Variants in PPP1R13B observed in about 807,000 individuals in gnomAD.
PPP1R13B encodes the protein apoptosis-stimulating of p53 protein 1.
Under a neutral mutation model 119.8 loss-of-function variants are expected in PPP1R13B, and 44 were observed. The ratio of observed to expected loss-of-function variants is 0.37; its 90% CI spans 0.29 to 0.47. The LOEUF is 0.47. Ranked by LOEUF, PPP1R13B falls within the 20% of genes least tolerant of loss-of-function variation. The probability of loss-of-function intolerance (pLI) is 0.99; values close to 1 mark genes in which losing one functional copy is unlikely to be tolerated. For missense variants in PPP1R13B, 1,227 were observed against 1,413.5 expected (o/e 0.87, Z 2.12); for synonymous variants, 542 against 561.5 (o/e 0.97, Z 0.49).
intron 1 of PPP1R13B, among the ~76,000 whole-genome samples, chr14:103,798,809 C>T (rs1427810578): frequency 6.6e-6 from 1 of 151,472 alleles, no homozygotes; most frequent in Admixed American, 6.6e-5. Context: ...CTCCAGAGAT[C>T]CTCCCAAGTA....
intron 7 of PPP1R13B, among the ~76,000 whole-genome samples, chr14:103,752,534 CT>C (rs35277937): frequency 1.2e-3 from 155 of 126,264 alleles, no homozygotes; most frequent in African/African-American, 2.1e-3. Flanking sequence ...GAATTAGATC[CT>C]TTTTTTTTTT....
chr14:103,775,295 G>A lies in PPP1R13B; in HGVS notation c.354+3450C>T, dbSNP rs933038200. On this transcript the variant is annotated intron_variant, in intron 4 of 16. Coordinates refer to ENST00000202556, the MANE Select transcript of PPP1R13B (RefSeq NM_015316.3). ...TTATTATTATTTTTTTTTTTTTGGAGACAGAGTCTCGCTCTGTCACCCAGG... is the reference window on the plus strand; with the variant it reads ...TTATTATTATTTTTTTTTTTTTGGAAACAGAGTCTCGCTCTGTCACCCAGG... Among the ~76,000 whole-genome samples, 11 of 146,198 alleles carry A rather than the reference G, an allele frequency of 7.5e-5. No individual in the cohort carries two copies. In the East Asian group the frequency reaches 2.0e-3, roughly 26 times the overall value.
At chr14:103,784,443 T>G (rs2085403219) in intron 3 of PPP1R13B, among the ~76,000 whole-genome samples, 1 of 150,922 alleles carries the variant, frequency 6.6e-6, no homozygotes. Flanking sequence ...ATTAGCCAGG[T>G]GTGGTGGTGC....
chr14:103,741,893 T>C lies in PPP1R13B; in HGVS notation c.1719A>G (p.Thr573=). 5.6e-6 allele frequency: 9 copies of C among 1,614,226 alleles called. No homozygotes were observed. Among genetic ancestry groups the C allele is most frequent in the South Asian group, 1.1e-5 (1 of 91,090 alleles). ...RPQSPRKGPQ[T]VNSSSIYSMY... is the part of the protein sequence containing the mutation. ...TGGAGTATATGGAACTTGAATTCAC[T>C]GTCTGGGGTCCTTTCCTGGGAGACT... The change falls in exon 11 of 17, where the codon ACA becomes ACG. Residue 573 remains threonine (T), a synonymous_variant. Transcript: ENST00000202556.
intron 1 of PPP1R13B, among the ~76,000 whole-genome samples, chr14:103,823,120 T>A (rs1035301135): frequency 7.2e-5 from 11 of 151,878 alleles, no homozygotes; most frequent in African/African-American, 2.7e-4. Flanking sequence ...AGGCAGATCA[T>A]GAGGTCAGGA....
chr14:103,818,543 A>T, intron 1 of PPP1R13B: 1 of 966,338 alleles, frequency 1.0e-6, no homozygotes, highest in Non-Finnish European at 1.2e-6. Context: ...ATCATACACC[A>T]GTTGATTTCG....
chr14:103,847,726 G>A (rs1199813602), upstream of PPP1R13B: 3 of 729,432 alleles, frequency 4.1e-6, no homozygotes, highest in Non-Finnish European at 1.7e-6. Context: ...CGCTACCCTC[G>A]CTCTCAGCGG....
intron 1 of PPP1R13B, among the ~76,000 whole-genome samples, chr14:103,808,278 T>G (rs1185395739): frequency 6.6e-6 from 1 of 151,446 alleles, no homozygotes; most frequent in Non-Finnish European, 1.5e-5. Flanking sequence ...TCAGGAGCCT[T>G]GAACATAACT....
intron 8 of PPP1R13B, 22 bp from the exon 9 acceptor site, chr14:103,746,575 G>C (rs552427472): frequency 1.3e-6 from 2 of 1,547,408 alleles, no homozygotes; most frequent in Admixed American, 1.8e-5. Flanking sequence ...GAAGAAATGA[G>C]AGTCAAGATT....
intron 1 of PPP1R13B, among the ~76,000 whole-genome samples, chr14:103,817,642 A>G (rs987545372): frequency 6.6e-6 from 1 of 152,156 alleles, no homozygotes; most frequent in Non-Finnish European, 1.5e-5. Flanking sequence ...ACACAACATT[A>G]AAGGACTTTT....
intron 1 of PPP1R13B, among the ~76,000 whole-genome samples, chr14:103,806,535 G>C (rs2086022435): frequency 6.6e-6 from 1 of 152,144 alleles, no homozygotes; most frequent in South Asian, 2.1e-4. Flanking sequence ...TAGCTTTCCA[G>C]CAGGCCACGC....
intron 4 of PPP1R13B, 63 bp from the exon 5 acceptor site, chr14:103,757,814 C>A: frequency 7.3e-7 from 1 of 1,372,082 alleles, no homozygotes; most frequent in South Asian, 1.2e-5. Context: ...TCTCTAGTGT[C>A]AAAACTCACA....
Position 103,757,658 on chromosome 14 carries a change from C to T in PPP1R13B, c.448G>A (p.Val150Ile). The T allele has an allele frequency of 1.2e-6, 2 of 1,613,896 alleles. No individual in the cohort carries two copies. Among genetic ancestry groups the T allele is most frequent in the Non-Finnish European group, 1.7e-6 (2 of 1,179,882 alleles). The change falls in exon 5 of 17, where the codon GTT becomes ATT. Residue 150 changes from valine (V) to isoleucine (I), a missense_variant. Physicochemically the swap from Val to Ile is conservative, Grantham distance 29. Transcript: ENST00000202556. The part of the protein sequence containing the change: ...QQIENQQQML[V>I]AKEQRLHFLK... ...CTCTTTTTATAACTTACCTTGGCAA[C>T]CAACATCTGCTGCTGATTTTCAATC...
At chr14:103,805,402 C>T (rs1387235663) in intron 1 of PPP1R13B, among the ~76,000 whole-genome samples, 1 of 151,956 alleles carries the variant, frequency 6.6e-6, no homozygotes, top group East Asian at 1.9e-4. Flanking sequence ...AAAACCCCGC[C>T]TCTACAAAAA....
At chr14:103,839,242 A>G (rs748864484) in intron 1 of PPP1R13B, among the ~76,000 whole-genome samples, 1 of 152,024 alleles carries the variant, frequency 6.6e-6, no homozygotes, top group South Asian at 2.1e-4. Context: ...TTGATCTCCT[A>G]ACCTTGTGAT....
At chr14:103,791,896 T>G (rs1039317257) in intron 2 of PPP1R13B, among the ~76,000 whole-genome samples, 1 of 152,186 alleles carries the variant, frequency 6.6e-6, no homozygotes. Context: ...GTTTCTCAGT[T>G]TTGCATAAAA....
intron 1 of PPP1R13B, among the ~76,000 whole-genome samples, chr14:103,844,607 T>C (rs781042532): frequency 6.6e-6 from 1 of 151,928 alleles, no homozygotes; most frequent in Non-Finnish European, 1.5e-5. Context: ...AGGGTGCCTG[T>C]AATCCCAGCT....
At chr14:103,844,343 T>C (rs142529160) in intron 1 of PPP1R13B, among the ~76,000 whole-genome samples, 8 of 152,066 alleles carry the variant, frequency 5.3e-5, no homozygotes, top group Admixed American at 4.6e-4. Context: ...CTACAGAGAT[T>C]TGATTGTGTC....
chr14:103,760,851 G>A (rs190005632), intron 4 of PPP1R13B, among the ~76,000 whole-genome samples: 56 of 152,186 alleles, frequency 3.7e-4, no homozygotes, highest in African/African-American at 1.3e-3. Flanking sequence ...TCACTTATCT[G>A]ATCATATCAC....
Sources: allele counts gnomAD v4.1 joint callset (sites outside exome capture counted in the v4.1 genomes callset), GRCh38; gene constraint gnomAD v4.1.1; transcripts MANE v1.5; gene names NCBI Gene and HGNC (gene_info 2026-07-23, HGNC 2026-07-21).